The following EPHX2 variants were observed in gnomAD, a reference collection of about 807,000 sequenced individuals.
The protein encoded by EPHX2 is bifunctional epoxide hydrolase 2.
EPHX2 carries 74 observed loss-of-function variants against 78.7 expected under a neutral mutation model. That is an observed-to-expected ratio of 0.94 (90% CI 0.78 to 1.14). The LOEUF (loss-of-function observed/expected upper bound fraction) is 1.14, where lower values mean the gene tolerates loss of function less well. EPHX2 is among the 50% of genes most tolerant of loss of function. The pLI is 0.00. For missense variants in EPHX2, 715 were observed against 702.5 expected (o/e 1.02, Z -0.20); for synonymous variants, 251 against 255.2 (o/e 0.98, Z 0.16).
chr8:27,533,450 G>A (rs774409496), intron 12 of EPHX2, among the ~76,000 whole-genome samples: 5 of 152,248 alleles, frequency 3.3e-5, no homozygotes, highest in Non-Finnish European at 7.3e-5. Context: ...AGATGAAAGA[G>A]AGTCGGAAGA....
rs181928075 is a variant in EPHX2 at position 27,503,481 on chromosome 8, G to A, written c.187-123G>A. On this transcript the variant is annotated intron_variant, in intron 2 of 18. Coordinates refer to ENST00000521400, the MANE Select transcript of EPHX2 (RefSeq NM_001979.6). ...TGGAGAACATATGTTGGCATTTCCA[G>A]TGGGTATGTGTCCAGGAGTGGAATT... The A allele has an allele frequency of 9.1e-6, 10 of 1,104,136 alleles. No homozygotes were observed. The African/African-American group carries it at 1.3e-4, about 14-fold the overall frequency. 68.4% of individuals were successfully genotyped at this position (1,104,136 alleles called of 1,614,324 possible).
At chr8:27,504,861 C>A in intron 3 of EPHX2, 95 bp from the exon 4 acceptor site, 1 of 1,310,080 alleles carries the variant, frequency 7.6e-7, no homozygotes, top group Non-Finnish European at 1.1e-6. Context: ...TGAGCACAAC[C>A]TGCTTGGCCC....
chr8:27,506,557 C>T (rs562719065), intron 4 of EPHX2, among the ~76,000 whole-genome samples: 1 of 152,326 alleles, frequency 6.6e-6, no homozygotes, highest in South Asian at 2.1e-4. Flanking sequence ...GCCCTCACTA[C>T]AGTTCTTTTC....
Position 27,505,142 on chromosome 8 carries a change from G to A in EPHX2, c.533G>A (p.Ser178Asn). 1 of 1,613,600 alleles carries A rather than the reference G, an allele frequency of 6.2e-7. No homozygotes were observed. The highest frequency in any genetic ancestry group is 8.5e-7 in the Non-Finnish European group (1 of 1,179,738). Reference sequence around the variant, plus strand: ...CTGGACACCCTGAAGGCCAGCCCCAGTGAGGTACGGAGACACTTCCTTATG... The same window carrying A: ...CTGGACACCCTGAAGGCCAGCCCCAATGAGGTACGGAGACACTTCCTTATG... ...FLLDTLKASP[S>N]EVVFLDDIGA... The change falls in exon 4 of 19, where the codon AGT (serine) becomes AAT (asparagine). Residue 178 changes from serine to asparagine, a missense_variant. By Grantham distance (46) the Ser-to-Asn change is conservative. Coordinates refer to ENST00000521400, the MANE Select transcript of EPHX2 (RefSeq NM_001979.6).
chr8:27,503,757 A>G lies in EPHX2; in HGVS notation c.340A>G (p.Lys114Glu). 1 of 1,611,010 alleles carries G rather than the reference A, an allele frequency of 6.2e-7. No homozygotes were observed. Among genetic ancestry groups the G allele is most frequent in the East Asian group, 2.2e-5 (1 of 44,880 alleles). The change falls in exon 3 of 19, where the codon AAG (lysine) becomes GAG (glutamate). Residue 114 changes from lysine (K) to glutamate (E), a missense_variant. Coordinates refer to ENST00000521400, the MANE Select transcript of EPHX2 (RefSeq NM_001979.6). ...PMLQAALMLR[K>E]KGFTTAILTN... ...GCTCCAGGCAGCTCTCATGCTCAGGAAGAAAGGTAAGGATCTGATACTGGC... is the reference window on the plus strand; with the variant it reads ...GCTCCAGGCAGCTCTCATGCTCAGGGAGAAAGGTAAGGATCTGATACTGGC...
At chr8:27,532,735 A>G (rs1815089612) in intron 12 of EPHX2, among the ~76,000 whole-genome samples, 1 of 152,106 alleles carries the variant, frequency 6.6e-6, no homozygotes, top group Admixed American at 6.5e-5. Context: ...TCTTTCTCTC[A>G]TAAGGACACA....
chr8:27,537,453 A>C (rs573652200), intron 13 of EPHX2, among the ~76,000 whole-genome samples: 3 of 152,180 alleles, frequency 2.0e-5, no homozygotes, highest in Non-Finnish European at 4.4e-5. Context: ...TTATCTGAGT[A>C]TAGAATTTTA....
At chr8:27,511,940 A>C in intron 6 of EPHX2, 30 bp downstream of exon 6, 2 of 1,609,376 alleles carry the variant, frequency 1.2e-6, no homozygotes, top group Non-Finnish European at 1.7e-6. Flanking sequence ...CAGTCGGCTA[A>C]GTGCTCTCCC....
Position 27,536,922 on chromosome 8 carries a change from G to T in EPHX2, c.1242+67G>T. On this transcript the variant is annotated intron_variant, in intron 13 of 18. Coordinates refer to ENST00000521400, the MANE Select transcript of EPHX2 (RefSeq NM_001979.6). ...TTGTGAAGGAAGTAGGGTACCTAGT[G>T]TGTGGCAGGGACCAGGAGTAGCAAT... 11 of 1,549,996 alleles carry T rather than the reference G, an allele frequency of 7.1e-6. 1 individual carries two copies. The South Asian group carries it at 1.0e-4, about 14-fold the overall frequency.
At chr8:27,503,828 G>A in intron 3 of EPHX2, 65 bp downstream of exon 3, 1 of 1,539,524 alleles carries the variant, frequency 6.5e-7, no homozygotes. Flanking sequence ...CATTAGGTCA[G>A]AATCCATTGA....
At chr8:27,538,835 A>G (rs888103237) in intron 14 of EPHX2, 143 bp downstream of exon 14, 2 of 854,076 alleles carry the variant, frequency 2.3e-6, no homozygotes, top group Non-Finnish European at 3.9e-6. Flanking sequence ...CTCGGCATGC[A>G]TAGGGCTGAC....
downstream of EPHX2, among the ~76,000 whole-genome samples, chr8:27,547,488 T>C (rs549220908): frequency 2.6e-5 from 4 of 152,384 alleles, no homozygotes; most frequent in African/African-American, 9.6e-5. Context: ...GATGTTTTGA[T>C]ACATATAATG....
In EPHX2 at chr8:27,515,790, A is replaced by T. The variant is rs757841055; in HGVS notation, c.808A>T (p.Ser270Cys). 1 of 1,613,794 alleles carries T rather than the reference A, an allele frequency of 6.2e-7. No homozygotes were observed. The highest frequency in any genetic ancestry group is 1.3e-5 in the African/African-American group (1 of 74,860). Residue 270 changes from serine (S) to cysteine (C), a missense_variant, in exon 7 of 19, where the codon AGT becomes TGT. Physicochemically the swap from Ser to Cys is moderately radical, Grantham distance 112. Coordinates refer to ENST00000521400, the MANE Select transcript of EPHX2 (RefSeq NM_001979.6). ...GTGCCTCTGCCATGGATTTCCCGAG[A>T]GTTGGTATTCTTGGAGGTACCAGGT... ...AVCLCHGFPE[S>C]WYSWRYQIPA...
In EPHX2 at chr8:27,536,789, G is replaced by T; in HGVS notation, c.1176G>T (p.Val392=). 6.2e-7 allele frequency: 1 copy of T among 1,613,864 alleles called. No individual in the cohort carries two copies. The highest frequency in any genetic ancestry group is 1.1e-5 in the South Asian group (1 of 91,052). ...DYQLYFQEPG[V]AEAELEQNLS... is the part of the protein sequence containing the mutation. ...TGCTTTCTTGATTGTTTTAGGGAGTGGCTGAGGCTGAACTGGAACAGAACC... is the reference window on the plus strand; with the variant it reads ...TGCTTTCTTGATTGTTTTAGGGAGTTGCTGAGGCTGAACTGGAACAGAACC... Residue 392 remains valine (V), a synonymous_variant, in exon 13 of 19, where the codon GTG becomes GTT. Transcript: ENST00000521400.
intron 12 of EPHX2, among the ~76,000 whole-genome samples, chr8:27,526,323 C>A (rs1040808204): frequency 6.6e-6 from 1 of 152,314 alleles, no homozygotes; most frequent in East Asian, 1.9e-4. Flanking sequence ...GCGATTCAGG[C>A]AATAACTGGA....
chr8:27,502,025 T>C (rs376399123), intron 2 of EPHX2, among the ~76,000 whole-genome samples: 1 of 152,230 alleles, frequency 6.6e-6, no homozygotes, highest in East Asian at 1.9e-4. Flanking sequence ...ACACTAAGTA[T>C]ACTGCTGTCA....
At chr8:27,537,738 T>C (rs1815258535) in intron 13 of EPHX2, among the ~76,000 whole-genome samples, 1 of 152,224 alleles carries the variant, frequency 6.6e-6, no homozygotes, top group Non-Finnish European at 1.5e-5. Flanking sequence ...TTATTTTAAG[T>C]ATATTCATTT....
chr8:27,537,435 A>G lies in EPHX2; in HGVS notation c.1242+580A>G, dbSNP rs72477568. Among the ~76,000 whole-genome samples the G allele has an allele frequency of 2.6e-3, 398 of 152,292 alleles. 1 individual carries two copies. Among genetic ancestry groups the G allele is most frequent in the African/African-American group, 9.1e-3 (379 of 41,550 alleles). On this transcript the variant is annotated intron_variant, in intron 13 of 18. Transcript: ENST00000521400. ...GAAGACATCTTAATTTTAATCTTGA[A>G]GAATCATTTATCTGAGTATAGAATT...
Position 27,503,717 on chromosome 8 carries a change from G to A in EPHX2, c.300G>A (p.Lys100=), listed in dbSNP as rs1218282739. Residue 100 remains lysine (K), a synonymous_variant, in exon 3 of 19, where the codon AAG becomes AAA. Transcript: ENST00000521400. The part of the protein sequence containing the change: ...EIFDKAISAR[K]INRPMLQAAL... ...TTGACAAGGCGATTTCAGCCAGAAA[G>A]ATCAACCGCCCCATGCTCCAGGCAG... 3.7e-6 allele frequency: 6 copies of A among 1,613,528 alleles called. No homozygotes were observed. The African/African-American group carries it at 8.0e-5, about 22-fold the overall frequency.
Sources: allele counts gnomAD v4.1 joint callset (sites outside exome capture counted in the v4.1 genomes callset), GRCh38; gene constraint gnomAD v4.1.1; transcripts MANE v1.5; gene names NCBI Gene and HGNC (gene_info 2026-07-23, HGNC 2026-07-21).